Variants in SOBP observed in about 807,000 individuals in gnomAD.
SOBP encodes the protein sine oculis-binding protein homolog.
In SOBP, 4 loss-of-function variants were observed where a neutral mutation model predicts 53.6. That is an observed-to-expected ratio of 0.07 (90% confidence interval 0.04 to 0.17). The LOEUF (loss-of-function observed/expected upper bound fraction) is 0.17, where lower values mean the gene tolerates loss of function less well. SOBP is among the 10% of genes least tolerant of loss of function. SOBP has a pLI of 1.00. For synonymous variants in SOBP, 584 were observed against 522.6 expected (o/e 1.12, Z -1.60); for missense variants, 1,088 against 1,204.7 (o/e 0.90, Z 1.43).
chr6:107,541,103 G>A (rs1321576629), intron 4 of SOBP, among the ~76,000 whole-genome samples: 1 of 152,128 alleles, frequency 6.6e-6, no homozygotes, highest in African/African-American at 2.4e-5. Context: ...GTGTTGGAGA[G>A]CCCTGATTAA....
chr6:107,597,401 A>G (rs1393723213), intron 5 of SOBP, among the ~76,000 whole-genome samples: 8 of 152,206 alleles, frequency 5.3e-5, no homozygotes, highest in African/African-American at 1.7e-4. Context: ...GATAGTAAGT[A>G]TATGAATTTT....
At position 107,634,750 on chromosome 6, in the gene SOBP, G is replaced by C; in HGVS notation, c.1906G>C (p.Ala636Pro). The C allele has an allele frequency of 3.0e-6, 4 of 1,332,160 alleles. No homozygotes were observed. The African/African-American group carries it at 4.8e-5, about 16-fold the overall frequency. 82.5% of individuals were successfully genotyped at this position (1,332,160 alleles called of 1,614,324 possible). The change falls in exon 6 of 7, where the codon GCG (alanine) becomes CCG (proline). Residue 636 changes from alanine (A) to proline (P), a missense_variant. Physicochemically the swap from Ala to Pro is conservative, Grantham distance 27 (BLOSUM62 -1). Coordinates refer to ENST00000317357, the MANE Select transcript of SOBP (RefSeq NM_018013.4). This position sits in a 1 kb window ranked among gnomAD's most constrained non-coding sequence, Gnocchi z 4.5. ...CGGCAGCCCCCCGGGCCCCCCGGGC[G>C]CGGGCGGCCAGCTCGGCTTCCCAGG... ...RAGSPPGPPG[A>P]GGQLGFPGVL...
chr6:107,492,152 T>C (rs1221603162), intron 1 of SOBP, among the ~76,000 whole-genome samples: 1 of 152,258 alleles, frequency 6.6e-6, no homozygotes, highest in Non-Finnish European at 1.5e-5. Context: ...CCACTGTTGA[T>C]TCCAATGATG....
At chr6:107,540,464 A>G (rs556038506) in intron 4 of SOBP, among the ~76,000 whole-genome samples, 33 of 152,332 alleles carry the variant, frequency 2.2e-4, no homozygotes, top group African/African-American at 6.7e-4. Flanking sequence ...GAAATTCCCT[A>G]TGTTACAATC....
chr6:107,508,493 C>T (rs747152028), intron 3 of SOBP, among the ~76,000 whole-genome samples: 1 of 152,040 alleles, frequency 6.6e-6, no homozygotes, highest in Non-Finnish European at 1.5e-5. Context: ...GCAGGAGAAT[C>T]GCTTGAGCCT....
At chr6:107,548,459 G>T (rs1282611770) in intron 4 of SOBP, among the ~76,000 whole-genome samples, 1 of 151,938 alleles carries the variant, frequency 6.6e-6, no homozygotes, top group Non-Finnish European at 1.5e-5. Flanking sequence ...AGCCAGGATG[G>T]TCTCCATCTC....
intron 5 of SOBP, among the ~76,000 whole-genome samples, chr6:107,605,546 T>C (rs534023196): frequency 1.3e-5 from 2 of 152,342 alleles, no homozygotes; most frequent in East Asian, 3.9e-4. Context: ...AGTGTGTCCT[T>C]AGAAGCTGAG....
At chr6:107,543,460 A>G (rs1050365445) in intron 4 of SOBP, among the ~76,000 whole-genome samples, 5 of 152,250 alleles carry the variant, frequency 3.3e-5, no homozygotes, top group Admixed American at 1.3e-4. Context: ...AGGGTGGGCT[A>G]TGACGAGAGA....
intron 4 of SOBP, among the ~76,000 whole-genome samples, chr6:107,542,148 G>A (rs1755225182): frequency 6.6e-6 from 1 of 152,086 alleles, no homozygotes; most frequent in African/African-American, 2.4e-5. Context: ...AGGAAAAAGT[G>A]CTATAATAAA....
rs1209039017 is a variant in SOBP, at chr6:107,660,943, CAG to C, written c.*2743_*2744del. 1.3e-5 allele frequency among the ~76,000 whole-genome samples: 2 copies of C among 152,186 alleles called. No homozygotes were observed. The highest frequency in any genetic ancestry group is 4.8e-5 in the African/African-American group (2 of 41,442). On this transcript the variant is annotated 3_prime_UTR_variant, in exon 7 of 7. Transcript: ENST00000317357. ...AGAGAATCTTGGAGGCTTCCTGGTG[CAG>C]AGTTATATTTATGGCGGTGACTCCG...
intron 5 of SOBP, among the ~76,000 whole-genome samples, chr6:107,616,732 T>C (rs1315681382): frequency 6.6e-6 from 1 of 152,230 alleles, no homozygotes; most frequent in East Asian, 1.9e-4. Context: ...TCGGGTCTGA[T>C]GATTACTTTG....
intron 5 of SOBP, among the ~76,000 whole-genome samples, chr6:107,609,847 C>A (rs1352945269): frequency 6.6e-6 from 1 of 152,112 alleles, no homozygotes; most frequent in Non-Finnish European, 1.5e-5. Context: ...GCAATGGGGT[C>A]ACGATCTTAA....
At chr6:107,537,002 T>A (rs902747546) in intron 4 of SOBP, among the ~76,000 whole-genome samples, 1 of 152,228 alleles carries the variant, frequency 6.6e-6, no homozygotes, top group Non-Finnish European at 1.5e-5. Context: ...TTGGAGACTT[T>A]TCAGGGAACT....
intron 4 of SOBP, among the ~76,000 whole-genome samples, chr6:107,559,306 G>A (rs1019817895): frequency 3.3e-5 from 5 of 152,110 alleles, no homozygotes; most frequent in South Asian, 2.1e-4. Flanking sequence ...GACGTAAAGG[G>A]TGCATTTTTT....
At chr6:107,588,767 A>C (rs1298199695) in intron 5 of SOBP, among the ~76,000 whole-genome samples, 1 of 152,228 alleles carries the variant, frequency 6.6e-6, no homozygotes, top group Non-Finnish European at 1.5e-5. Flanking sequence ...AGCTGTCTTT[A>C]GAGAAAATAG....
intron 5 of SOBP, among the ~76,000 whole-genome samples, chr6:107,590,333 C>T (rs1785702544): frequency 6.6e-6 from 1 of 152,182 alleles, no homozygotes; most frequent in Non-Finnish European, 1.5e-5. Context: ...ACTCCTGAGC[C>T]TACTCCCCAG....
At chr6:107,616,945 C>T (rs769477223) in intron 5 of SOBP, among the ~76,000 whole-genome samples, 9 of 152,036 alleles carry the variant, frequency 5.9e-5, no homozygotes, top group Non-Finnish European at 1.2e-4. Context: ...CTCAGGGTGC[C>T]GTGTGTTTGT....
rs750657949 is a variant in SOBP at position 107,633,975 on chromosome 6, C to G, written c.1131C>G (p.Gly377=). Residue 377 remains glycine, a synonymous_variant, in exon 6 of 7, where the codon GGC becomes GGG. Coordinates refer to ENST00000317357, the MANE Select transcript of SOBP (RefSeq NM_018013.4). The part of the protein sequence containing the change: ...QPPASIGPPL[G]VPPRSPPMVM... ...CTGCTAGCATCGGGCCTCCCCTTGG[C>G]GTCCCGCCTCGGAGCCCTCCCATGG... is the stretch of plus-strand genomic sequence containing the variant. 2 of 1,613,960 alleles carry G rather than the reference C, an allele frequency of 1.2e-6. No homozygotes were observed. Among genetic ancestry groups the G allele is most frequent in the African/African-American group, 1.3e-5 (1 of 74,948 alleles).
intron 6 of SOBP, among the ~76,000 whole-genome samples, chr6:107,646,193 A>C (rs768508087): frequency 6.6e-6 from 1 of 152,236 alleles, no homozygotes; most frequent in East Asian, 1.9e-4. Flanking sequence ...TCATCGCTGG[A>C]GTGCGAGGGA....
Sources: allele counts gnomAD v4.1 joint callset (sites outside exome capture counted in the v4.1 genomes callset), GRCh38; gene constraint gnomAD v4.1.1; non-coding constraint Gnocchi (gnomAD v3.1); transcripts MANE v1.5; gene names NCBI Gene and HGNC (gene_info 2026-07-23, HGNC 2026-07-21).